TRIM16: variants seen among roughly 807,000 people sequenced by gnomAD.
TRIM16 encodes tripartite motif-containing protein 16.
TRIM16 carries 33 observed loss-of-function variants against 50.4 expected under a neutral mutation model. The ratio of observed to expected loss-of-function variants is 0.65; its 90% CI spans 0.50 to 0.88. The LOEUF is 0.88. Among genes scored for constraint, TRIM16 ranks in the 40% least tolerant of loss-of-function variants. The pLI, the probability that TRIM16 is intolerant of heterozygous loss-of-function variation, is 0.00. For missense variants in TRIM16, 581 were observed against 686.8 expected (o/e 0.85, Z 1.72); for synonymous variants, 229 against 270.7 (o/e 0.85, Z 1.51).
chr17:15,640,075 G>T (rs1164785141), intron 8 of TRIM16, among the ~76,000 whole-genome samples: 1 of 149,498 alleles, frequency 6.7e-6, no homozygotes, highest in Non-Finnish European at 1.5e-5. Flanking sequence ...AACTAAGACA[G>T]TGATAAATGG....
At position 15,651,177 on chromosome 17, in the gene TRIM16, C is replaced by G; in HGVS notation, c.433G>C (p.Asp145His). ...HSPLSAFCCP[D>H]QQCICQDCCQ... The stretch of plus-strand genomic sequence containing the variant: ...CAGTCCTGGCAGATGCACTGCTGAT[C>G]AGGGCAGCAGAAGGCAGACAGTGGG... Residue 145 changes from aspartate (D) to histidine (H), a missense_variant, in exon 7 of 12, where the codon GAT becomes CAT. Physicochemically the swap from Asp to His is moderately conservative, Grantham distance 81 (BLOSUM62 -1). This residue lies in a region of TRIM16 where 450 missense variants were observed against 544.3 expected (regional missense o/e 0.83). Transcript: ENST00000649191. The G allele has an allele frequency of 1.2e-6, 2 of 1,614,224 alleles. No individual in the cohort carries two copies. Among genetic ancestry groups the G allele is most frequent in the Non-Finnish European group, 1.7e-6 (2 of 1,180,038 alleles).
At chr17:15,653,565 T>A (rs543886044) in intron 6 of TRIM16, among the ~76,000 whole-genome samples, 2 of 152,336 alleles carry the variant, frequency 1.3e-5, no homozygotes, top group African/African-American at 4.8e-5. Flanking sequence ...TGTCTTCACA[T>A]GGTCTTCCCT....
chr17:15,644,718 A>C (rs1397497770), intron 7 of TRIM16, among the ~76,000 whole-genome samples: 3 of 152,104 alleles, frequency 2.0e-5, no homozygotes, highest in African/African-American at 7.2e-5. Flanking sequence ...TGGCATTCAG[A>C]CACTTACCAC....
chr17:15,684,058 G>A (rs987477432), intron 1 of TRIM16, 138 bp downstream of exon 1: 1 of 152,472 alleles, frequency 6.6e-6, no homozygotes, highest in African/African-American at 2.4e-5. Context: ...ACGCTCCAGG[G>A]GCAGAGGGGG....
intron 6 of TRIM16, among the ~76,000 whole-genome samples, chr17:15,669,279 A>G (rs924128347): frequency 6.6e-6 from 1 of 151,894 alleles, no homozygotes; most frequent in Non-Finnish European, 1.5e-5. Flanking sequence ...AGTAAAAAAA[A>G]CTGGAAAGAA....
intron 8 of TRIM16, among the ~76,000 whole-genome samples, chr17:15,641,765 G>C (rs922427838): frequency 6.8e-6 from 1 of 148,042 alleles, no homozygotes; most frequent in Non-Finnish European, 1.5e-5. Flanking sequence ...TGAATGGATG[G>C]ATGGATGATG....
At chr17:15,637,115 TGGGG>T (rs570385958) in intron 8 of TRIM16, among the ~76,000 whole-genome samples, 1 of 67,444 alleles carries the variant, frequency 1.5e-5, no homozygotes, top group East Asian at 6.7e-4. Context: ...GGGAGGGAGG[TGGGG>T]GGGGGGGGTC....
At chr17:15,631,470 G>C (rs1426732967) in intron 11 of TRIM16, 149 bp downstream of exon 11, 1 of 687,066 alleles carries the variant, frequency 1.5e-6, no homozygotes, top group African/African-American at 1.8e-5. Flanking sequence ...TAAAAAAATT[G>C]TTTAAATTAA....
intron 7 of TRIM16, among the ~76,000 whole-genome samples, chr17:15,644,786 C>T (rs1405671084): frequency 6.6e-6 from 1 of 151,462 alleles, no homozygotes; most frequent in East Asian, 1.9e-4. Flanking sequence ...GGGCAGAGAC[C>T]AAACCTAAGT....
intron 8 of TRIM16, among the ~76,000 whole-genome samples, chr17:15,639,045 CT>C (rs529832460): frequency 0.013 from 1,288 of 100,904 alleles, 48 homozygotes; most frequent in African/African-American, 0.06. Context: ...TTCTCTCTCT[CT>C]TTTTTTTTTT....
intron 6 of TRIM16, among the ~76,000 whole-genome samples, chr17:15,657,879 C>A (rs1367955175): frequency 2.0e-5 from 3 of 152,170 alleles, no homozygotes; most frequent in African/African-American, 7.2e-5. Context: ...TCCTCTTAAC[C>A]CCAAGCATTC....
Position 15,683,098 on chromosome 17 carries a change from T to C in TRIM16, c.-839A>G. 1 of 1,550,610 alleles carries C rather than the reference T, an allele frequency of 6.4e-7. No homozygotes were observed. Among genetic ancestry groups the C allele is most frequent in the Non-Finnish European group, 8.7e-7 (1 of 1,146,996 alleles). On this transcript the variant is annotated 5_prime_UTR_variant, in exon 2 of 12. Coordinates refer to ENST00000649191, the MANE Select transcript of TRIM16 (RefSeq NM_001348119.1). ...CATAGCCTTTGCTTCACTATTTGGG[T>C]GTAGCAACCTTTCCGTTCTCCACGT...
intron 6 of TRIM16, among the ~76,000 whole-genome samples, chr17:15,662,469 CACA>C (rs1161130945): frequency 6.6e-6 from 1 of 152,242 alleles, no homozygotes; most frequent in African/African-American, 2.4e-5. Flanking sequence ...ACTATTTACA[CACA>C]ATGCACACAT....
At chr17:15,645,848 A>T (rs1008587349) in intron 7 of TRIM16, among the ~76,000 whole-genome samples, 1 of 152,190 alleles carries the variant, frequency 6.6e-6, no homozygotes, top group African/African-American at 2.4e-5. Flanking sequence ...TTGATACCTG[A>T]GACGTGATGC....
In TRIM16 at chr17:15,628,875, A is replaced by G. The variant is rs760285395; in HGVS notation, c.1435T>C (p.Trp479Arg). 1 of 1,614,230 alleles carries G rather than the reference A, an allele frequency of 6.2e-7. No individual in the cohort carries two copies. The highest frequency in any genetic ancestry group is 8.5e-7 in the Non-Finnish European group (1 of 1,180,036). The change falls in exon 12 of 12, where the codon TGG (tryptophan) becomes CGG (arginine). Residue 479 changes from tryptophan to arginine, a missense_variant. Coordinates refer to ENST00000649191, the MANE Select transcript of TRIM16 (RefSeq NM_001348119.1). ...LQWNGKEFTA[W>R]YSDMETPLKA... is the part of the protein sequence containing the mutation. ...AGTGGGGTCTCCATGTCACTGTACC[A>G]GGCCGTGAACTCCTTCCCGTTCCAT...
intron 6 of TRIM16, among the ~76,000 whole-genome samples, chr17:15,668,936 A>G (rs764598331): frequency 2.0e-5 from 3 of 152,202 alleles, no homozygotes; most frequent in African/African-American, 7.2e-5. Context: ...ACTACTCCAA[A>G]TTGATAAAAA....
chr17:15,632,299 C>T (rs1368663580), intron 10 of TRIM16, among the ~76,000 whole-genome samples: 1 of 152,138 alleles, frequency 6.6e-6, no homozygotes, highest in Non-Finnish European at 1.5e-5. Flanking sequence ...ATCTCTTGAA[C>T]CCGGGAGGCA....
intron 6 of TRIM16, among the ~76,000 whole-genome samples, chr17:15,664,906 C>T (rs1988411404): frequency 6.6e-6 from 1 of 151,952 alleles, no homozygotes; most frequent in South Asian, 2.1e-4. Context: ...GTGGCATGTG[C>T]CTATAATCCC....
intron 6 of TRIM16, among the ~76,000 whole-genome samples, chr17:15,668,638 T>C (rs1480579657): frequency 2.7e-5 from 4 of 147,038 alleles, no homozygotes; most frequent in Non-Finnish European, 4.4e-5. Context: ...CTTTTGCACA[T>C]GAAAACACAC....
Sources: allele counts gnomAD v4.1 joint callset (sites outside exome capture counted in the v4.1 genomes callset), GRCh38; gene constraint gnomAD v4.1.1; regional missense constraint gnomAD v4.1.1; transcripts MANE v1.5; gene names NCBI Gene and HGNC (gene_info 2026-07-23, HGNC 2026-07-21).